LUZP1: variants seen among roughly 807,000 people sequenced by gnomAD.
LUZP1 encodes leucine zipper protein 1.
LUZP1 carries 25 observed loss-of-function variants against 71.3 expected under a neutral mutation model. That is an observed-to-expected ratio of 0.35 (90% CI 0.26 to 0.49). LUZP1 has a LOEUF of 0.49. Among genes scored for constraint, LUZP1 ranks in the 20% least tolerant of loss-of-function variants. The pLI is 0.99. For synonymous variants in LUZP1, 481 were observed against 506.4 expected (o/e 0.95, Z 0.67); for missense variants, 1,142 against 1,300.8 (o/e 0.88, Z 1.88).
At chr1:23,146,823 C>T (rs1054381984) in intron 2 of LUZP1, among the ~76,000 whole-genome samples, 4 of 150,950 alleles carry the variant, frequency 2.6e-5, no homozygotes, top group Non-Finnish European at 5.9e-5. Flanking sequence ...ATAGGCTGGG[C>T]GCGATGGCTC....
exon 5 of LUZP1, chr1:23,084,343 G>C (rs1643724757): frequency 6.6e-6 from 1 of 152,124 alleles, no homozygotes; most frequent in Non-Finnish European, 1.5e-5. Context: ...AAGGCTCGTG[G>C]CTCCTTCCTC....
In LUZP1 at chr1:23,092,488, TA is replaced by T. The variant is rs1187829885; in HGVS notation, c.1773del (p.Asp591GlufsTer44). ...GGAGCCTTGGAATTCGGGCAACTGT[TA>T]TCAGCCTCAAGGCCATTGGCAGCCT... On this transcript the variant is annotated frameshift_variant, in exon 4 of 5. Transcript: ENST00000302291. LOFTEE classifies it high-confidence loss of function. The T allele has an allele frequency of 6.2e-7, 1 of 1,614,078 alleles. No homozygotes were observed. The highest frequency in any genetic ancestry group is 8.5e-7 in the Non-Finnish European group (1 of 1,180,016).
chr1:23,109,874 A>C (rs1460192671), intron 2 of LUZP1, among the ~76,000 whole-genome samples: 4 of 152,168 alleles, frequency 2.6e-5, no homozygotes, highest in Non-Finnish European at 5.9e-5. Context: ...AAGGAAACTA[A>C]AACTTAGAAA....
At chr1:23,121,889 G>A (rs1276043374) in intron 2 of LUZP1, among the ~76,000 whole-genome samples, 1 of 152,168 alleles carries the variant, frequency 6.6e-6, no homozygotes, top group Non-Finnish European at 1.5e-5. Context: ...GCGCACGCCT[G>A]TAATCTCAGT....
intron 2 of LUZP1, among the ~76,000 whole-genome samples, chr1:23,138,689 GTGTGTGTGTATA>G (rs1007686040): frequency 3.8e-5 from 4 of 106,378 alleles, no homozygotes; most frequent in African/African-American, 2.3e-4. Flanking sequence ...GTGTGTGTGT[GTGTGTGTGTATA>G]TATATATATA....
At chr1:23,138,997 CAA>C (rs535524035) in intron 2 of LUZP1, among the ~76,000 whole-genome samples, 142 of 21,518 alleles carry the variant, frequency 6.6e-3, no homozygotes, top group African/African-American at 0.018. Flanking sequence ...GACTCCATCT[CAA>C]AAAAAAAAAA....
intron 2 of LUZP1, among the ~76,000 whole-genome samples, chr1:23,152,308 A>AT (rs1644390821): frequency 6.6e-6 from 1 of 152,068 alleles, no homozygotes; most frequent in Non-Finnish European, 1.5e-5. Context: ...AACGTACTGT[A>AT]TTTTTTTCCA....
Position 23,142,696 on chromosome 1 carries a change from TATATACACACACACACACACACAC to T in LUZP1, c.-226+26046_-226+26069del, listed in dbSNP as rs1426098326. On this transcript the variant is annotated intron_variant, in intron 2 of 4. Coordinates refer to ENST00000302291, the Ensembl canonical transcript of LUZP1. ...ATGGTGGGTGCATAAAATATATATA[TATATACACACACACACACACACAC>T]ACACACACACACACACACACACACA... is the stretch of plus-strand genomic sequence containing the variant. Among the ~76,000 whole-genome samples the T allele has an allele frequency of 1.8e-4, 16 of 90,866 alleles. No homozygotes were observed. In the South Asian group the frequency reaches 1.9e-3, roughly 11 times the overall value. The allele number at this position is 90,866 out of a possible 152,430, so 59.6% of individuals were successfully genotyped here. A position where few individuals can be genotyped will look rare whatever the true frequency, so the allele number is the denominator to read the frequency against.
chr1:23,166,935 T>C (rs1052089747), intron 2 of LUZP1, among the ~76,000 whole-genome samples: 8 of 152,218 alleles, frequency 5.3e-5, no homozygotes, highest in East Asian at 3.8e-4. Context: ...CAGCTCACTA[T>C]TTCCAGCTTT....
intron 3 of LUZP1, among the ~76,000 whole-genome samples, chr1:23,100,715 G>A (rs1643925221): frequency 1.3e-5 from 2 of 152,312 alleles, no homozygotes; most frequent in African/African-American, 4.8e-5. Context: ...CAACAGGGGA[G>A]ATATTTTGAG....
intron 1 of LUZP1, chr1:23,169,139 G>C (rs1025819463): frequency 6.6e-6 from 1 of 152,174 alleles, no homozygotes; most frequent in African/African-American, 2.4e-5. Context: ...CGGACGGATC[G>C]CTTAAACTCA....
At position 23,142,694 on chromosome 1, in the gene LUZP1, TATATATACACACAC is replaced by T. The variant is rs1170357366; in HGVS notation, c.-226+26058_-226+26071del. Among the ~76,000 whole-genome samples the T allele has an allele frequency of 8.4e-3, 719 of 85,788 alleles. 5 individuals carry two copies. The highest frequency in any genetic ancestry group is 0.011 in the Admixed American group (89 of 7,804). 56.3% of individuals were successfully genotyped at this position (85,788 alleles called of 152,430 possible). ...AAATGGTGGGTGCATAAAATATATA[TATATATACACACAC>T]ACACACACACACACACACACACACA... On this transcript the variant is annotated intron_variant, in intron 2 of 4. Coordinates refer to ENST00000302291, the Ensembl canonical transcript of LUZP1.
chr1:23,088,046 A>G (rs1479465668), exon 5 of LUZP1: 1 of 152,692 alleles, frequency 6.5e-6, no homozygotes, highest in Non-Finnish European at 1.5e-5. Context: ...GGCCCAGCTT[A>G]GCCTAGGGAT....
intron 3 of LUZP1, among the ~76,000 whole-genome samples, chr1:23,096,218 CAG>C (rs1643891201): frequency 1.3e-5 from 2 of 149,788 alleles, no homozygotes; most frequent in South Asian, 2.1e-4. Flanking sequence ...CAGCTAGAAA[CAG>C]AGAAGAGAAA....
intron 2 of LUZP1, among the ~76,000 whole-genome samples, chr1:23,114,512 A>AT (rs2124649566): frequency 6.6e-6 from 1 of 152,308 alleles, no homozygotes; most frequent in East Asian, 1.9e-4. Context: ...GCTTCCCTGA[A>AT]TGCCATCACT....
At chr1:23,117,991 G>A (rs904176779) in intron 2 of LUZP1, among the ~76,000 whole-genome samples, 1 of 152,188 alleles carries the variant, frequency 6.6e-6, no homozygotes, top group East Asian at 1.9e-4. Context: ...TCAGGAGGCT[G>A]AGGCAGGAGA....
rs560593447 is a variant in LUZP1 at position 23,128,117 on chromosome 1, G to A, written c.-225-18990C>T. Among the ~76,000 whole-genome samples, 12 of 152,030 alleles carry A rather than the reference G, an allele frequency of 7.9e-5. No homozygotes were observed. In the South Asian group the frequency reaches 1.5e-3, roughly 18 times the overall value. Reference sequence around the variant, plus strand: ...CTGCACTCCAGCCTGGTGACAGAGCGAGACTCTGTCCCAAAAAGAAAAAAA... The same window carrying A: ...CTGCACTCCAGCCTGGTGACAGAGCAAGACTCTGTCCCAAAAAGAAAAAAA... On this transcript the variant is annotated intron_variant, in intron 2 of 4. Transcript: ENST00000302291.
At chr1:23,168,319 C>A (rs1358953439) in intron 2 of LUZP1, among the ~76,000 whole-genome samples, 3 of 144,380 alleles carry the variant, frequency 2.1e-5, no homozygotes, top group Admixed American at 1.4e-4. Context: ...GCCCCCTCCA[C>A]GGCCGCCTCG....
intron 2 of LUZP1, among the ~76,000 whole-genome samples, chr1:23,166,511 C>T (rs1272719930): frequency 1.3e-5 from 2 of 151,654 alleles, no homozygotes; most frequent in Non-Finnish European, 1.5e-5. Context: ...AAAAATTAAC[C>T]GGGCAAGGTG....
Sources: allele counts gnomAD v4.1 joint callset (sites outside exome capture counted in the v4.1 genomes callset), GRCh38; gene constraint gnomAD v4.1.1; transcripts MANE v1.5; gene names NCBI Gene and HGNC (gene_info 2026-07-23, HGNC 2026-07-21).